Variants in DUSP8 observed in about 807,000 individuals in gnomAD.
DUSP8 encodes the protein dual specificity protein phosphatase 8.
In DUSP8, 15 loss-of-function variants were observed where a neutral mutation model predicts 38.7. That is an observed-to-expected ratio of 0.39 (90% confidence interval 0.26 to 0.60). The LOEUF (loss-of-function observed/expected upper bound fraction) is 0.60, where lower values mean the gene tolerates loss of function less well. DUSP8 is among the 20% of genes least tolerant of loss of function. The pLI, the probability that DUSP8 is intolerant of heterozygous loss-of-function variation, is 0.56. For synonymous variants in DUSP8, 458 were observed against 433.9 expected (o/e 1.06, Z -0.69); for missense variants, 768 against 915.0 (o/e 0.84, Z 2.07).
intron 3 of DUSP8, among the ~76,000 whole-genome samples, chr11:1,559,723 C>T (rs1399371474): frequency 2.0e-5 from 3 of 152,308 alleles, no homozygotes; most frequent in Admixed American, 6.5e-5. Context: ...TGGAGAAGCC[C>T]GGGGCACTGG....
Position 1,571,991 on chromosome 11 carries a change from C to A in DUSP8, c.-199G>T, listed in dbSNP as rs1020549106. On this transcript the variant is annotated 5_prime_UTR_variant, in exon 1 of 7. Coordinates refer to ENST00000397374, the MANE Select transcript of DUSP8 (RefSeq NM_004420.3). ...GCGCCGTCCATGGGCCCGGCGGGGG[C>A]CCGCGCAGCCGGGGCAGGGGCCGGG... The A allele has an allele frequency of 1.4e-5, 2 of 145,012 alleles. No individual in the cohort carries two copies. Among genetic ancestry groups the A allele is most frequent in the Non-Finnish European group, 3.1e-5 (2 of 65,392 alleles). 9.0% of individuals were successfully genotyped at this position (145,012 alleles called of 1,614,324 possible).
intron 1 of DUSP8, among the ~76,000 whole-genome samples, chr11:1,567,846 G>A (rs1239443245): frequency 6.6e-6 from 1 of 152,162 alleles, no homozygotes; most frequent in Admixed American, 6.6e-5. Context: ...AACAGCAAAA[G>A]GGCCTGCTGC....
In DUSP8 at chr11:1,558,869, G is replaced by T; in HGVS notation, c.537+20C>A. ...GCCCCTTTCCCATTGACCACCCCCC[G>T]AACTCCACTGCACACACACCTTGTT... On this transcript the variant is annotated intron_variant, in intron 4 of 6. Transcript: ENST00000397374. This position sits in a 1 kb window ranked among gnomAD's most constrained non-coding sequence, Gnocchi z 6.3. 1 of 1,584,126 alleles carries T rather than the reference G, an allele frequency of 6.3e-7. No individual in the cohort carries two copies. Among genetic ancestry groups the T allele is most frequent in the South Asian group, 1.1e-5 (1 of 88,898 alleles).
intron 2 of DUSP8, 69 bp from the exon 3 acceptor site, chr11:1,564,058 T>C (rs1042631931): frequency 7.5e-5 from 102 of 1,368,126 alleles, no homozygotes; most frequent in Non-Finnish European, 8.9e-5. Context: ...GTCCCAGATA[T>C]GCTGGCTCAA....
At chr11:1,565,978 G>C in intron 1 of DUSP8, 44 bp from the exon 2 acceptor site, 1 of 659,494 alleles carries the variant, frequency 1.5e-6, no homozygotes, top group South Asian at 1.8e-5. Context: ...GGGCCCCTGG[G>C]TGGCACCCAG....
chr11:1,559,321 C>T (rs573954560), intron 3 of DUSP8: 22 of 422,142 alleles, frequency 5.2e-5, no homozygotes, highest in South Asian at 4.8e-4. Context: ...CAGCTGAGGA[C>T]GCCGCTAGGA....
rs1355071749 is a variant in DUSP8 at position 1,558,197 on chromosome 11, G to A, written c.612C>T (p.Cys204=). The stretch of plus-strand genomic sequence containing the variant: ...TGGGGACCCGCATGAAGCGGCTCTC[G>A]CAGATGAAGTCAGGCTTGGGGCAGG... ...SNSCPKPDFI[C]ESRFMRVPIN... Residue 204 remains cysteine (C), a synonymous_variant, in exon 5 of 7, where the codon TGC becomes TGT. Transcript: ENST00000397374. This position sits in a 1 kb window ranked among gnomAD's most constrained non-coding sequence, Gnocchi z 6.3. 5.0e-6 allele frequency: 8 copies of A among 1,610,194 alleles called. No homozygotes were observed. The highest frequency in any genetic ancestry group is 2.1e-4 in the Middle Eastern group (1 of 4,722).
At position 1,558,047 on chromosome 11, in the gene DUSP8, G is replaced by A; in HGVS notation, c.697+65C>T. 1 of 1,611,196 alleles carries A rather than the reference G, an allele frequency of 6.2e-7. No homozygotes were observed. The highest frequency in any genetic ancestry group is 8.5e-7 in the Non-Finnish European group (1 of 1,179,082). ...CTTCCTGGGGACCCCTCCTGTGTCT[G>A]TGGCCACACACAGCTCTAGCCTTCC... On this transcript the variant is annotated intron_variant, in intron 5 of 6. Transcript: ENST00000397374. This position sits in a 1 kb window ranked among gnomAD's most constrained non-coding sequence, Gnocchi z 6.3.
At chr11:1,566,839 G>A (rs530171027) in intron 1 of DUSP8, among the ~76,000 whole-genome samples, 8 of 152,258 alleles carry the variant, frequency 5.3e-5, no homozygotes, top group African/African-American at 1.4e-4. Context: ...TCAGACTGCC[G>A]GGTGGGCAGG....
intron 3 of DUSP8, among the ~76,000 whole-genome samples, chr11:1,561,811 G>GCC (rs140315583): frequency 2.6e-5 from 4 of 151,714 alleles, no homozygotes; most frequent in Non-Finnish European, 5.9e-5. Context: ...CAGCACCCCT[G>GCC]CCCCCCCCAA....
intron 3 of DUSP8, 123 bp from the exon 4 acceptor site, chr11:1,559,178 C>T (rs1848681530): frequency 2.0e-6 from 2 of 1,002,022 alleles, no homozygotes; most frequent in African/African-American, 3.4e-5. Context: ...CAGCCCAGAC[C>T]CGAGCCTGAG....
chr11:1,562,423 C>A (rs1848730854), intron 3 of DUSP8, among the ~76,000 whole-genome samples: 1 of 152,190 alleles, frequency 6.6e-6, no homozygotes, highest in Non-Finnish European at 1.5e-5. Flanking sequence ...CCGCCCCCCA[C>A]CAGTTCAGTC....
intron 1 of DUSP8, among the ~76,000 whole-genome samples, chr11:1,570,937 C>G (rs775670964): frequency 1.3e-5 from 2 of 150,928 alleles, no homozygotes; most frequent in Non-Finnish European, 3.0e-5. Flanking sequence ...CCTGCAGCAC[C>G]CCACCCCCAC....
Position 1,558,408 on chromosome 11 carries a change from G to A in DUSP8, c.538-137C>T. 6.2e-6 allele frequency: 5 copies of A among 810,304 alleles called. No individual in the cohort carries two copies. The highest frequency in any genetic ancestry group is 9.5e-6 in the Non-Finnish European group (5 of 524,012). 50.2% of individuals were successfully genotyped at this position (810,304 alleles called of 1,614,324 possible). A position where few individuals can be genotyped will look rare whatever the true frequency, so the allele number is the denominator to read the frequency against. On this transcript the variant is annotated intron_variant, in intron 4 of 6. Transcript: ENST00000397374. The surrounding 1 kb of genome is among the most constrained non-coding windows in gnomAD (Gnocchi z 6.3). The stretch of plus-strand genomic sequence containing the variant: ...CTTGGAATTTGTCCCAGATCCCAGT[G>A]TATCCAGGGGAGGGCCCAGGAGGCC...
intron 1 of DUSP8, among the ~76,000 whole-genome samples, chr11:1,566,665 G>A (rs553792999): frequency 2.0e-5 from 3 of 152,328 alleles, no homozygotes; most frequent in South Asian, 2.1e-4. Flanking sequence ...CTGCAGGGGC[G>A]TGTTGCACCC....
At position 1,563,198 on chromosome 11, in the gene DUSP8, C is replaced by T. The variant is rs745339105; in HGVS notation, c.370+653G>A. ...TGGGGGAGGGTGCACATCCCTGGGA[C>T]AGGCCAGCTCCGTCCGGCTCTGGGA... On this transcript the variant is annotated intron_variant, in intron 3 of 6. Transcript: ENST00000397374. 2.7e-4 allele frequency among the ~76,000 whole-genome samples: 41 copies of T among 152,290 alleles called. 1 individual carries two copies. The highest frequency in any genetic ancestry group is 1.5e-4 in the Non-Finnish European group (10 of 68,002).
chr11:1,567,937 C>T (rs1432344383), intron 1 of DUSP8, among the ~76,000 whole-genome samples: 3 of 152,168 alleles, frequency 2.0e-5, no homozygotes, highest in Non-Finnish European at 2.9e-5. Flanking sequence ...GTTTGTCCTT[C>T]CCGAGTTCTA....
In DUSP8 at chr11:1,565,901, C is replaced by G; in HGVS notation, c.-75G>C. ...TGCTCCGACGGCCCAGGTGTGGCCT[C>G]GCGCTGGGAGTGACCTAGCACATGG... On this transcript the variant is annotated 5_prime_UTR_variant, in exon 2 of 7. Transcript: ENST00000397374. 7.8e-7 allele frequency: 1 copy of G among 1,287,684 alleles called. No homozygotes were observed. Among genetic ancestry groups the G allele is most frequent in the Admixed American group, 1.7e-5 (1 of 57,606 alleles). The allele number at this position is 1,287,684 out of a possible 1,614,324, so 79.8% of individuals were successfully genotyped here.
At chr11:1,559,147 C>A in intron 3 of DUSP8, 92 bp from the exon 4 acceptor site, 1 of 1,304,100 alleles carries the variant, frequency 7.7e-7, no homozygotes. Context: ...ACCCCATCTA[C>A]TGCTGAGGAT....
Sources: gnomAD v4.1 joint callset for allele counts (sites outside exome capture counted in the v4.1 genomes callset) on GRCh38, gnomAD v4.1.1 for gene constraint, Gnocchi (gnomAD v3.1) non-coding constraint, MANE v1.5 for transcripts, NCBI Gene and HGNC (gene_info 2026-07-23, HGNC 2026-07-21) for gene names.